Variants in CPNE5 observed in about 807,000 individuals in gnomAD.
CPNE5 encodes copine-5.
CPNE5 carries 42 observed loss-of-function variants against 81.1 expected under a neutral mutation model. The observed-to-expected ratio is 0.52, with a 90% confidence interval of 0.40 to 0.67. The LOEUF (loss-of-function observed/expected upper bound fraction) is 0.67. Ranked by LOEUF, CPNE5 falls within the 30% of genes least tolerant of loss-of-function variation. The pLI is 0.00. For synonymous variants in CPNE5, 313 were observed against 321.5 expected, an observed-to-expected ratio of 0.97 and a Z score of 0.28; for missense variants, 612 against 815.5, an observed-to-expected ratio of 0.75 and a Z score of 3.04.
Position 36,746,361 on chromosome 6 carries a change from G to C in CPNE5, c.1200+35C>G, listed in dbSNP as rs199900309. ...CAGCTTGTCACCTCACCCCCAGCCT[G>C]ATCAGTCCTCTCTCCCACCAGCGGG... On this transcript the variant is annotated intron_variant, in intron 16 of 20. Transcript: ENST00000244751. The surrounding 1 kb of genome is among the most constrained non-coding windows in gnomAD (Gnocchi z 4.5). The C allele has an allele frequency of 6.4e-7, 1 of 1,552,830 alleles. No homozygotes were observed. Among genetic ancestry groups the C allele is most frequent in the African/African-American group, 1.4e-5 (1 of 71,474 alleles).
At chr6:36,829,709 A>G (rs561628067) in intron 1 of CPNE5, among the ~76,000 whole-genome samples, 1 of 150,060 alleles carries the variant, frequency 6.7e-6, no homozygotes, top group African/African-American at 2.5e-5. Flanking sequence ...GCTACTCGGG[A>G]GGCTGAGGCA....
intron 8 of CPNE5, among the ~76,000 whole-genome samples, chr6:36,782,856 C>T (rs1438328724): frequency 1.3e-5 from 2 of 151,110 alleles, no homozygotes; most frequent in Non-Finnish European, 2.9e-5. Flanking sequence ...CACACACACA[C>T]ACACACACAC....
intron 10 of CPNE5, among the ~76,000 whole-genome samples, chr6:36,772,353 T>A (rs1175256942): frequency 1.3e-5 from 2 of 152,066 alleles, no homozygotes; most frequent in Non-Finnish European, 2.9e-5. Flanking sequence ...CAGCCCGTCC[T>A]CTCACTGCTC....
intron 3 of CPNE5, among the ~76,000 whole-genome samples, chr6:36,807,685 G>C (rs1294007991): frequency 6.6e-6 from 1 of 152,148 alleles, no homozygotes; most frequent in East Asian, 1.9e-4. Flanking sequence ...GAAAGCCCTA[G>C]CTCTCAGTGG....
chr6:36,822,267 G>A (rs1772121233), intron 2 of CPNE5, 107 bp from the exon 3 acceptor site: 1 of 856,094 alleles, frequency 1.2e-6, no homozygotes, highest in African/African-American at 1.7e-5. Context: ...GACCCAGCCT[G>A]GGTAGCACTG....
intron 10 of CPNE5, among the ~76,000 whole-genome samples, chr6:36,773,370 G>A (rs190951707): frequency 6.6e-6 from 1 of 152,222 alleles, no homozygotes; most frequent in African/African-American, 2.4e-5. Flanking sequence ...CCCATTTTGG[G>A]TGGTGGCCCC....
intron 11 of CPNE5, among the ~76,000 whole-genome samples, chr6:36,764,287 C>T (rs1766344699): frequency 6.6e-6 from 1 of 151,988 alleles, no homozygotes; most frequent in Non-Finnish European, 1.5e-5. Flanking sequence ...AACAATGAAG[C>T]TGACTGTGAG....
chr6:36,765,954 TTTAA>T (rs1766528249), intron 10 of CPNE5, among the ~76,000 whole-genome samples: 1 of 152,196 alleles, frequency 6.6e-6, no homozygotes, highest in South Asian at 2.1e-4. Flanking sequence ...GCCTGGCTGC[TTTAA>T]TTAGTTTGTT....
chr6:36,796,906 G>GTTATTA (rs1184982254), intron 6 of CPNE5, among the ~76,000 whole-genome samples: 87 of 151,772 alleles, frequency 5.7e-4, no homozygotes, highest in Middle Eastern at 3.4e-3. Flanking sequence ...ACACATTGCA[G>GTTATTA]TTATTATTAT....
chr6:36,753,506 T>C (rs1765070093), intron 13 of CPNE5, among the ~76,000 whole-genome samples: 1 of 152,234 alleles, frequency 6.6e-6, no homozygotes, highest in South Asian at 2.1e-4. Context: ...AAGGGGGCCC[T>C]CCTGGCACAG....
chr6:36,825,909 A>G (rs1387685728), intron 1 of CPNE5, among the ~76,000 whole-genome samples: 1 of 152,188 alleles, frequency 6.6e-6, no homozygotes, highest in East Asian at 1.9e-4. Context: ...TTTGAATTCT[A>G]TAATGAAATT....
chr6:36,748,446 C>T (rs987076612), intron 14 of CPNE5, among the ~76,000 whole-genome samples, 179 bp from the exon 15 acceptor site: 1 of 152,144 alleles, frequency 6.6e-6, no homozygotes, highest in South Asian at 2.1e-4. Flanking sequence ...AGCTATGCCC[C>T]CCTTACAGGA....
In CPNE5 at chr6:36,746,510, C is replaced by A. The variant is rs781346096; in HGVS notation, c.1086G>T (p.Ala362=). 1 of 1,613,614 alleles carries A rather than the reference C, an allele frequency of 6.2e-7. No homozygotes were observed. The highest frequency in any genetic ancestry group is 1.3e-5 in the African/African-American group (1 of 74,884). ...GGATGATCTCTCCGACGGCAGTCAG[C>A]GCCAGCGCGTAGGCGTTCAGCTGGT... ...SPYQLNAYAL[A]LTAVGEIIQH... is the part of the protein sequence containing the mutation. Residue 362 remains alanine (A), a synonymous_variant, in exon 16 of 21, where the codon GCG becomes GCT. Transcript: ENST00000244751. The surrounding 1 kb of genome is among the most constrained non-coding windows in gnomAD (Gnocchi z 4.5).
chr6:36,756,412 G>A, intron 12 of CPNE5, 114 bp from the exon 13 acceptor site: 13 of 826,892 alleles, frequency 1.6e-5, no homozygotes, highest in South Asian at 1.5e-4. Context: ...TAGAGTGTGG[G>A]GTGTGAAGAC....
intron 3 of CPNE5, among the ~76,000 whole-genome samples, chr6:36,810,099 G>T (rs1245449705): frequency 1.3e-5 from 2 of 152,094 alleles, no homozygotes; most frequent in African/African-American, 4.8e-5. Context: ...GAAAGGCAGA[G>T]CATCCCTGGT....
chr6:36,822,097 G>A lies in CPNE5; in HGVS notation c.183+17C>T. 6.5e-7 allele frequency: 1 copy of A among 1,527,956 alleles called. No homozygotes were observed. 94.6% of individuals were successfully genotyped at this position (1,527,956 alleles called of 1,614,324 possible). On this transcript the variant is annotated intron_variant, in intron 3 of 20. Coordinates refer to ENST00000244751, the MANE Select transcript of CPNE5 (RefSeq NM_020939.2). ...GAACAGGCTGGTGTTTCTGGTGTGG[G>A]AAGGAGCTGCACCTACCTCCCGCCA...
chr6:36,789,657 G>A (rs1280216341), intron 8 of CPNE5, among the ~76,000 whole-genome samples: 2 of 152,222 alleles, frequency 1.3e-5, no homozygotes, highest in Non-Finnish European at 2.9e-5. Flanking sequence ...CTGTTCCACA[G>A]GGCAACCGAA....
intron 6 of CPNE5, among the ~76,000 whole-genome samples, chr6:36,796,763 G>A (rs549191590): frequency 6.6e-6 from 1 of 152,100 alleles, no homozygotes; most frequent in African/African-American, 2.4e-5. Flanking sequence ...ATAAATGATA[G>A]CTATTTTCAC....
At chr6:36,834,254 C>CAAAAAAAAAA (rs1157250827) in intron 1 of CPNE5, among the ~76,000 whole-genome samples, 275 of 21,642 alleles carry the variant, frequency 0.013, 33 homozygotes, top group South Asian at 0.023. Context: ...GACTGTATCT[C>CAAAAAAAAAA]AAAAAAAAAA....
Sources: allele counts gnomAD v4.1 joint callset (sites outside exome capture counted in the v4.1 genomes callset), GRCh38; gene constraint gnomAD v4.1.1; non-coding constraint Gnocchi (gnomAD v3.1); transcripts MANE v1.5; gene names NCBI Gene and HGNC (gene_info 2026-07-23, HGNC 2026-07-21).